The following TMTC2 variants were observed in gnomAD, a reference collection of about 807,000 sequenced individuals.
TMTC2 encodes transmembrane O-mannosyltransferase targeting cadherins 2, also known as protein O-mannosyl-transferase TMTC2.
TMTC2 carries 43 observed loss-of-function variants against 82.4 expected under a neutral mutation model. The observed-to-expected ratio is 0.52, with a 90% CI of 0.41 to 0.67. The LOEUF is 0.67. Among genes scored for constraint, TMTC2 ranks in the 30% least tolerant of loss-of-function variants. The probability of loss-of-function intolerance (pLI) is 0.00; values close to 1 mark genes in which losing one functional copy is unlikely to be tolerated. For synonymous variants in TMTC2, 408 were observed against 381.9 expected (o/e 1.07, Z -0.80); for missense variants, 919 against 1,012.4 (o/e 0.91, Z 1.25).
intron 3 of TMTC2, among the ~76,000 whole-genome samples, chr12:82,911,888 G>A (rs1592621651): frequency 6.6e-6 from 1 of 152,192 alleles, no homozygotes; most frequent in Non-Finnish European, 1.5e-5. Context: ...GGGACTACAG[G>A]TGTGAACCAC....
chr12:83,104,160 C>T (rs1565889343), intron 11 of TMTC2, among the ~76,000 whole-genome samples: 3 of 152,202 alleles, frequency 2.0e-5, no homozygotes, highest in Non-Finnish European at 4.4e-5. Flanking sequence ...AGGGTTCAGC[C>T]CCAGAGGCTG....
At chr12:82,913,666 A>G (rs1874831148) in intron 3 of TMTC2, among the ~76,000 whole-genome samples, 1 of 152,198 alleles carries the variant, frequency 6.6e-6, no homozygotes, top group Admixed American at 6.5e-5. Context: ...CCCTCTGGGT[A>G]CTAGCTTCTT....
intron 1 of TMTC2, among the ~76,000 whole-genome samples, chr12:82,800,164 C>G (rs1878924241): frequency 1.3e-5 from 2 of 152,088 alleles, no homozygotes; most frequent in South Asian, 4.2e-4. Context: ...GTGTCTCTCT[C>G]ACAGAGGATT....
chr12:83,000,960 C>T (rs2137367026), intron 8 of TMTC2, among the ~76,000 whole-genome samples: 1 of 152,262 alleles, frequency 6.6e-6, no homozygotes, highest in Middle Eastern at 3.4e-3. Context: ...TGTACCTTGG[C>T]TCATTTTAGT....
At chr12:82,883,533 A>T (rs1028972918) in intron 2 of TMTC2, among the ~76,000 whole-genome samples, 4 of 152,184 alleles carry the variant, frequency 2.6e-5, no homozygotes, top group African/African-American at 9.7e-5. Flanking sequence ...GTGAAGTCTC[A>T]TTATAATTTG....
chr12:83,029,637 T>C (rs538561085), intron 8 of TMTC2, among the ~76,000 whole-genome samples: 1 of 152,286 alleles, frequency 6.6e-6, no homozygotes, highest in African/African-American at 2.4e-5. Context: ...AGTGCCTTAC[T>C]ACCCTTCATA....
At chr12:83,020,214 AGTT>A (rs1399628363) in intron 8 of TMTC2, among the ~76,000 whole-genome samples, 1 of 152,186 alleles carries the variant, frequency 6.6e-6, no homozygotes, top group Non-Finnish European at 1.5e-5. Flanking sequence ...TTAGGGCAGG[AGTT>A]GTGTGTGCTC....
intron 11 of TMTC2, among the ~76,000 whole-genome samples, chr12:83,112,361 ATT>A (rs1884626346): frequency 6.6e-6 from 1 of 152,206 alleles, no homozygotes; most frequent in Non-Finnish European, 1.5e-5. Context: ...GAGCATGCTC[ATT>A]TAGCATCCAA....
intron 2 of TMTC2, among the ~76,000 whole-genome samples, chr12:82,859,153 C>T (rs1277325776): frequency 2.6e-5 from 4 of 151,652 alleles, no homozygotes; most frequent in East Asian, 1.9e-4. Flanking sequence ...CTGCAACCTC[C>T]GCCCCCCAGG....
intron 11 of TMTC2, among the ~76,000 whole-genome samples, chr12:83,103,876 C>T (rs1480477130): frequency 1.3e-5 from 2 of 152,126 alleles, no homozygotes; most frequent in South Asian, 4.1e-4. Context: ...TGGTTACTTC[C>T]AAGTAAAATA....
intron 1 of TMTC2, among the ~76,000 whole-genome samples, chr12:82,710,089 T>G (rs904994694): frequency 1.3e-5 from 2 of 152,198 alleles, no homozygotes; most frequent in African/African-American, 4.8e-5. Flanking sequence ...GTAAAATACT[T>G]TATGGGAGTA....
At chr12:83,038,233 C>T (rs527801652) in intron 9 of TMTC2, among the ~76,000 whole-genome samples, 42 of 151,624 alleles carry the variant, frequency 2.8e-4, no homozygotes, top group African/African-American at 8.2e-4. Context: ...CACATGTATA[C>T]GTATGTAACT....
intron 1 of TMTC2, among the ~76,000 whole-genome samples, chr12:82,700,259 A>G (rs1873006844): frequency 6.6e-6 from 1 of 152,204 alleles, no homozygotes; most frequent in Non-Finnish European, 1.5e-5. Flanking sequence ...GGAGAATTTA[A>G]TGAGATAAGT....
intron 8 of TMTC2, among the ~76,000 whole-genome samples, chr12:83,022,422 A>C (rs546753375): frequency 5.5e-5 from 7 of 127,492 alleles, no homozygotes; most frequent in Admixed American, 2.1e-4. Flanking sequence ...TTCACAAAGC[A>C]CTGAAGACTG....
intron 2 of TMTC2, among the ~76,000 whole-genome samples, chr12:82,860,013 G>A (rs1422639580): frequency 6.6e-6 from 1 of 151,998 alleles, no homozygotes; most frequent in African/African-American, 2.4e-5. Flanking sequence ...TTGCCCTGTC[G>A]CCTAGGCTGG....
chr12:82,910,930 G>T (rs548472637), intron 3 of TMTC2, among the ~76,000 whole-genome samples: 1 of 151,732 alleles, frequency 6.6e-6, no homozygotes, highest in East Asian at 1.9e-4. Flanking sequence ...GCCCAGGCTG[G>T]AGTGCAGTGG....
chr12:82,894,708 G>A (rs1873569002), intron 2 of TMTC2, among the ~76,000 whole-genome samples: 1 of 152,120 alleles, frequency 6.6e-6, no homozygotes, highest in Non-Finnish European at 1.5e-5. Flanking sequence ...GACTTTGCCA[G>A]AAAATTAGCC....
At chr12:83,117,548 G>A (rs1022349635) in intron 11 of TMTC2, among the ~76,000 whole-genome samples, 6 of 152,098 alleles carry the variant, frequency 3.9e-5, no homozygotes, top group Admixed American at 2.0e-4. Flanking sequence ...CACTATTTTG[G>A]TGACTATGGC....
At chr12:83,018,504 A>G (rs1020947652) in intron 8 of TMTC2, among the ~76,000 whole-genome samples, 4 of 152,340 alleles carry the variant, frequency 2.6e-5, no homozygotes, top group Admixed American at 2.6e-4. Flanking sequence ...GTCATGGCTA[A>G]TAGCTAATAT....
Sources: allele counts gnomAD v4.1 joint callset (sites outside exome capture counted in the v4.1 genomes callset), GRCh38; gene constraint gnomAD v4.1.1; transcripts MANE v1.5; gene names NCBI Gene and HGNC (gene_info 2026-07-23, HGNC 2026-07-21).